KNTC1: variants seen among roughly 807,000 people sequenced by gnomAD.
KNTC1 encodes kinetochore associated 1.
In KNTC1, 253 loss-of-function variants were observed where a neutral mutation model predicts 314.4. The ratio of observed to expected loss-of-function variants is 0.80; its 90% CI spans 0.73 to 0.89. The LOEUF (loss-of-function observed/expected upper bound fraction) is 0.89, where lower values mean the gene tolerates loss of function less well. Among genes scored for constraint, KNTC1 ranks in the 40% least tolerant of loss-of-function variants. The pLI, the probability that KNTC1 is intolerant of heterozygous loss-of-function variation, is 0.00. For missense variants in KNTC1, 2,475 were observed against 2,572.9 expected, an observed-to-expected ratio of 0.96 and a Z score of 0.82; for synonymous variants, 901 against 901.4, an observed-to-expected ratio of 1.00 and a Z score of 0.01.
intron 16 of KNTC1, among the ~76,000 whole-genome samples, chr12:122,556,481 C>G (rs181612081): frequency 2.4e-3 from 321 of 135,028 alleles, no homozygotes; most frequent in Non-Finnish European, 4.0e-3. Context: ...ATTCTACTCT[C>G]TACTTTTTTT....
Position 122,562,649 on chromosome 12 carries a change from T to A in KNTC1, c.1554T>A (p.Ala518=), listed in dbSNP as rs1222244309. The change falls in exon 20 of 64, where the codon GCT becomes GCA. Residue 518 remains alanine (A), a synonymous_variant. Transcript: ENST00000333479. ...TATTTTTTCTTCAGGTGCTAAGAGCTCATGCAAAATTGACTACTTTTTATG... is the reference window on the plus strand; with the variant it reads ...TATTTTTTCTTCAGGTGCTAAGAGCACATGCAAAATTGACTACTTTTTATG... ...YSDGLKEVLR[A]HAKLTTFYGA... 1 of 1,599,848 alleles carries A rather than the reference T, an allele frequency of 6.3e-7. No individual in the cohort carries two copies. Among genetic ancestry groups the A allele is most frequent in the Non-Finnish European group, 8.6e-7 (1 of 1,167,666 alleles).
At chr12:122,557,353 A>G (rs765817945) in intron 16 of KNTC1, 31 bp from the exon 17 acceptor site, 1 of 1,595,228 alleles carries the variant, frequency 6.3e-7, no homozygotes, top group African/African-American at 1.3e-5. Flanking sequence ...TTGTACTTCA[A>G]ATTGCTTGAT....
chr12:122,547,898 G>A lies in KNTC1; in HGVS notation c.933-17G>A. On this transcript the variant is annotated splice_polypyrimidine_tract_variant and intron_variant, in intron 11 of 63. Transcript: ENST00000333479. Reference sequence around the variant, plus strand: ...AAAAGTTTACTTGAATTATTTAAAGGTTCTTTTCTCTTTTAGGCAAGGAAT... The same window carrying A: ...AAAAGTTTACTTGAATTATTTAAAGATTCTTTTCTCTTTTAGGCAAGGAAT... The A allele has an allele frequency of 7.0e-7, 1 of 1,428,414 alleles. No individual in the cohort carries two copies. The highest frequency in any genetic ancestry group is 9.4e-7 in the Non-Finnish European group (1 of 1,059,154). 88.5% of individuals were successfully genotyped at this position (1,428,414 alleles called of 1,614,324 possible). A position where few individuals can be genotyped will look rare whatever the true frequency, so the allele number is the denominator to read the frequency against.
In KNTC1 at chr12:122,585,827, T is replaced by G; in HGVS notation, c.3673+53T>G. Reference sequence around the variant, plus strand: ...TATGTGTTTCTGTCTTATGTAAATTTAAACTGTAGAGGTTTGGAGCTAGAA... The same window carrying G: ...TATGTGTTTCTGTCTTATGTAAATTGAAACTGTAGAGGTTTGGAGCTAGAA... On this transcript the variant is annotated intron_variant, in intron 37 of 63. Coordinates refer to ENST00000333479, the MANE Select transcript of KNTC1 (RefSeq NM_014708.6). The G allele has an allele frequency of 2.6e-6, 4 of 1,568,352 alleles. No individual in the cohort carries two copies. The South Asian group carries it at 4.4e-5, about 17-fold the overall frequency.
At position 122,546,643 on chromosome 12, in the gene KNTC1, T is replaced by G. The variant is rs769304526; in HGVS notation, c.785T>G (p.Ile262Arg). 1.3e-6 allele frequency: 2 copies of G among 1,588,622 alleles called. No homozygotes were observed. The highest frequency in any genetic ancestry group is 2.3e-5 in the South Asian group (2 of 88,420). ...IIKGAKKFQL[I>R]DNLLFVLDTD... ...GTAGGTGCAAAGAAGTTCCAGCTGA[T>G]AGACAATCTACTTTTTGTTCTTGAT... Residue 262 changes from isoleucine (I) to arginine (R), a missense_variant, in exon 10 of 64, where the codon ATA (isoleucine) becomes AGA (arginine). Transcript: ENST00000333479.
At chr12:122,551,803 C>A in intron 16 of KNTC1, 107 bp downstream of exon 16, 1 of 823,858 alleles carries the variant, frequency 1.2e-6, no homozygotes. Context: ...GTGATTAAGG[C>A]TGTAATTAAG....
At chr12:122,580,217 A>G (rs971963295) in intron 32 of KNTC1, among the ~76,000 whole-genome samples, 44 of 152,204 alleles carry the variant, frequency 2.9e-4, no homozygotes, top group Non-Finnish European at 5.1e-4. Context: ...ATTTAGTGCT[A>G]GACTAGATTT....
Position 122,546,616 on chromosome 12 carries a change from T to C in KNTC1, c.764-6T>C, listed in dbSNP as rs905635570. On this transcript the variant is annotated splice_polypyrimidine_tract_variant and splice_region_variant and intron_variant, in intron 9 of 63. Coordinates refer to ENST00000333479, the MANE Select transcript of KNTC1 (RefSeq NM_014708.6). Reference sequence around the variant, plus strand: ...ATCCTGAGACATCTTATTTTCTCTTTTGTAGGTGCAAAGAAGTTCCAGCTG... The same window carrying C: ...ATCCTGAGACATCTTATTTTCTCTTCTGTAGGTGCAAAGAAGTTCCAGCTG... 3 of 1,559,820 alleles carry C rather than the reference T, an allele frequency of 1.9e-6. No individual in the cohort carries two copies. Among genetic ancestry groups the C allele is most frequent in the Non-Finnish European group, 2.6e-6 (3 of 1,141,198 alleles).
chr12:122,604,976 A>G lies in KNTC1; in HGVS notation c.5275A>G (p.Thr1759Ala), dbSNP rs893531873. 3.1e-6 allele frequency: 5 copies of G among 1,612,930 alleles called. No homozygotes were observed. The highest frequency in any genetic ancestry group is 3.3e-5 in the Admixed American group (2 of 59,876). Residue 1759 changes from threonine to alanine, a missense_variant, in exon 50 of 64, where the codon ACT (threonine) becomes GCT (alanine). By Grantham distance (58) the Thr-to-Ala change is moderately conservative (BLOSUM62 0). Transcript: ENST00000333479. Reference protein sequence around the residue: ...EAVLIAHKLNTEEYLRVIGKP... With the variant: ...EAVLIAHKLNAEEYLRVIGKP... ...TGTGCTCATAGCCCACAAGCTGAAC[A>G]CTGAGGAATATTTAAGAGTGATCGG...
intron 8 of KNTC1, among the ~76,000 whole-genome samples, chr12:122,545,044 T>G (rs1383271147): frequency 6.6e-6 from 1 of 152,226 alleles, no homozygotes; most frequent in Non-Finnish European, 1.5e-5. Flanking sequence ...ACCATTGGCA[T>G]GTATACATTG....
In KNTC1 at chr12:122,546,786, G is replaced by C. The variant is rs777148913; in HGVS notation, c.816+112G>C. ...AGGGTGGATAACTATCTTGTGTACT[G>C]TGCTTTTTTTCAGTATATGTACCAA... On this transcript the variant is annotated intron_variant, in intron 10 of 63. Coordinates refer to ENST00000333479, the MANE Select transcript of KNTC1 (RefSeq NM_014708.6). 1.8e-5 allele frequency: 10 copies of C among 571,154 alleles called. No individual in the cohort carries two copies. In the East Asian group the frequency reaches 2.7e-4, roughly 15 times the overall value. The allele number at this position is 571,154 out of a possible 1,614,324, so 35.4% of individuals were successfully genotyped here.
At chr12:122,616,699 C>T (rs892788836) in intron 57 of KNTC1, among the ~76,000 whole-genome samples, 2 of 152,142 alleles carry the variant, frequency 1.3e-5, no homozygotes, top group Non-Finnish European at 2.9e-5. Context: ...GAGATTGTTC[C>T]ATATCAGCAC....
In KNTC1 at chr12:122,547,962, A is replaced by T. The variant is rs950254394; in HGVS notation, c.980A>T (p.Asn327Ile). The T allele has an allele frequency of 1.3e-6, 2 of 1,547,028 alleles. No individual in the cohort carries two copies. The highest frequency in any genetic ancestry group is 2.8e-5 in the African/African-American group (2 of 72,544). ...TTAATAGCTCTGACAGCTTCAGCTA[A>T]TAAGAAGGTATTGGAAAATTTTATT... The part of the protein sequence containing the change: ...LKLIALTASA[N>I]KKMKNLMVYS... Residue 327 changes from asparagine (N) to isoleucine (I), a missense_variant, in exon 12 of 64, where the codon AAT (asparagine) becomes ATT (isoleucine). Coordinates refer to ENST00000333479, the MANE Select transcript of KNTC1 (RefSeq NM_014708.6).
chr12:122,605,101 A>T lies in KNTC1; in HGVS notation c.5386+14A>T, dbSNP rs767597667. 1.0e-5 allele frequency: 16 copies of T among 1,590,982 alleles called. No homozygotes were observed. In the Middle Eastern group the frequency reaches 9.9e-4, roughly 99 times the overall value. Reference sequence around the variant, plus strand: ...CAGATTATCCTGGTGAGGACAAAACAATTTTTTTGTTGTCCAAGAAAAGCT... The same window carrying T: ...CAGATTATCCTGGTGAGGACAAAACTATTTTTTTGTTGTCCAAGAAAAGCT... On this transcript the variant is annotated intron_variant, in intron 50 of 63. Coordinates refer to ENST00000333479, the MANE Select transcript of KNTC1 (RefSeq NM_014708.6).
At chr12:122,598,813 CTTTTT>C (rs879566345) in intron 44 of KNTC1, among the ~76,000 whole-genome samples, 22 of 142,176 alleles carry the variant, frequency 1.5e-4, no homozygotes, top group Admixed American at 1.4e-3. Flanking sequence ...GACATTTAAA[CTTTTT>C]TTTTTTTATT....
chr12:122,547,890 A>T, intron 11 of KNTC1, 25 bp from the exon 12 acceptor site: 1 of 1,370,624 alleles, frequency 7.3e-7, no homozygotes, highest in East Asian at 2.5e-5. Flanking sequence ...TACTTGAATT[A>T]TTTAAAGGTT....
intron 51 of KNTC1, among the ~76,000 whole-genome samples, chr12:122,607,239 C>G (rs896303192): frequency 6.6e-6 from 1 of 151,912 alleles, no homozygotes; most frequent in Non-Finnish European, 1.5e-5. Context: ...AATTTTTGTA[C>G]TTTTAGTAGA....
intron 20 of KNTC1, among the ~76,000 whole-genome samples, chr12:122,568,026 G>A (rs1964457454): frequency 6.6e-6 from 1 of 152,126 alleles, no homozygotes; most frequent in Non-Finnish European, 1.5e-5. Context: ...TATCTGAGGA[G>A]GGTCCTATAG....
intron 48 of KNTC1, 113 bp from the exon 49 acceptor site, chr12:122,604,451 G>A (rs757988423): frequency 1.2e-4 from 65 of 551,832 alleles, no homozygotes; most frequent in Non-Finnish European, 1.9e-4. Context: ...CCAGCCATGA[G>A]TATGCATTTT....
Sources: allele counts gnomAD v4.1 joint callset (sites outside exome capture counted in the v4.1 genomes callset), GRCh38; gene constraint gnomAD v4.1.1; transcripts MANE v1.5; gene names NCBI Gene and HGNC (gene_info 2026-07-23, HGNC 2026-07-21).